Variants in NEBL observed in about 807,000 individuals in gnomAD.
NEBL encodes the protein nebulette.
In NEBL, 122 loss-of-function variants were observed where a neutral mutation model predicts 140.2. The observed-to-expected ratio is 0.87, with a 90% CI of 0.75 to 1.01. NEBL has a LOEUF of 1.01. Among genes scored for constraint, NEBL ranks in the 50% least tolerant of loss-of-function variants. The pLI is 0.00. For synonymous variants in NEBL, 436 were observed against 398.9 expected, an observed-to-expected ratio of 1.09 and a Z score of -1.11; for missense variants, 1,365 against 1,231.3, an observed-to-expected ratio of 1.11 and a Z score of -1.62.
chr10:21,195,944 C>T (rs1197859367), intron 3 of NEBL, among the ~76,000 whole-genome samples: 2 of 152,064 alleles, frequency 1.3e-5, no homozygotes, highest in Non-Finnish European at 2.9e-5. Context: ...AACACAAAAC[C>T]CTCCAAAGAG....
At chr10:21,098,973 C>T (rs1589232288) in intron 2 of NEBL, among the ~76,000 whole-genome samples, 2 of 151,770 alleles carry the variant, frequency 1.3e-5, no homozygotes, top group East Asian at 1.9e-4. Flanking sequence ...ACCACACCCA[C>T]CAAAAAAAAA....
chr10:21,093,556 C>T (rs1313155132), intron 2 of NEBL, among the ~76,000 whole-genome samples: 1 of 152,116 alleles, frequency 6.6e-6, no homozygotes, highest in Non-Finnish European at 1.5e-5. Context: ...TCCAGTCTTG[C>T]CAACAAGCTG....
chr10:20,880,776 A>G lies in NEBL; in HGVS notation c.480+18T>C. 6.4e-7 allele frequency: 1 copy of G among 1,570,262 alleles called. No homozygotes were observed. The highest frequency in any genetic ancestry group is 8.8e-7 in the Non-Finnish European group (1 of 1,140,060). ...AACTACAGTTCGCTAGAAAATCATG[A>G]GAAATGCGCTTCCTTACATTACTCT... On this transcript the variant is annotated intron_variant, in intron 5 of 27. Coordinates refer to ENST00000377122, the MANE Select transcript of NEBL (RefSeq NM_006393.3).
intron 2 of NEBL, among the ~76,000 whole-genome samples, chr10:21,060,979 C>G (rs1042317046): frequency 6.6e-6 from 1 of 151,870 alleles, no homozygotes; most frequent in Non-Finnish European, 1.5e-5. Context: ...GAACTGTGCC[C>G]CCGAGAAAGA....
At chr10:21,290,231 G>C (rs998391353) in intron 1 of NEBL, among the ~76,000 whole-genome samples, 1 of 152,216 alleles carries the variant, frequency 6.6e-6, no homozygotes, top group Non-Finnish European at 1.5e-5. Context: ...CACTGCATGA[G>C]TTGTAGTCAG....
chr10:20,945,485 C>T (rs180968066), intron 4 of NEBL, among the ~76,000 whole-genome samples: 3 of 152,254 alleles, frequency 2.0e-5, no homozygotes, highest in East Asian at 1.9e-4. Flanking sequence ...AAGCATCAAC[C>T]CTTAATAACA....
chr10:21,168,131 G>A (rs1481063131), intron 2 of NEBL, among the ~76,000 whole-genome samples: 3 of 152,052 alleles, frequency 2.0e-5, no homozygotes, highest in Non-Finnish European at 4.4e-5. Flanking sequence ...AAATCAAACA[G>A]AATACTTGTT....
chr10:20,883,013 A>C (rs1440905151), intron 4 of NEBL, among the ~76,000 whole-genome samples: 1 of 152,070 alleles, frequency 6.6e-6, no homozygotes, highest in Non-Finnish European at 1.5e-5. Flanking sequence ...GTTCCTCCAG[A>C]CTCGCAGTAT....
intron 3 of NEBL, among the ~76,000 whole-genome samples, chr10:20,985,380 T>G (rs187064113): frequency 1.3e-5 from 2 of 152,300 alleles, no homozygotes; most frequent in Non-Finnish European, 2.9e-5. Flanking sequence ...GGAAACCTCC[T>G]TTACCCACTC....
At chr10:21,245,388 A>C (rs910489713) in intron 3 of NEBL, among the ~76,000 whole-genome samples, 2 of 152,250 alleles carry the variant, frequency 1.3e-5, no homozygotes, top group African/African-American at 4.8e-5. Context: ...ATCATACTGA[A>C]TACATTACAT....
intron 3 of NEBL, among the ~76,000 whole-genome samples, chr10:20,888,743 G>T (rs1846759212): frequency 6.6e-6 from 1 of 152,164 alleles, no homozygotes; most frequent in Admixed American, 6.5e-5. Flanking sequence ...TTCCTCTTGG[G>T]AAAACTAAGG....
At chr10:21,290,148 C>T (rs1843123107) in intron 1 of NEBL, among the ~76,000 whole-genome samples, 1 of 152,160 alleles carries the variant, frequency 6.6e-6, no homozygotes, top group Non-Finnish European at 1.5e-5. Context: ...CAGTGACACC[C>T]AAACACACCC....
At chr10:21,052,459 A>G (rs1490833958) in intron 2 of NEBL, among the ~76,000 whole-genome samples, 1 of 152,172 alleles carries the variant, frequency 6.6e-6, no homozygotes, top group East Asian at 1.9e-4. Context: ...AGACACCCAC[A>G]GCCCAATCCA....
chr10:20,997,565 C>G (rs947491040), intron 3 of NEBL, among the ~76,000 whole-genome samples: 12 of 141,658 alleles, frequency 8.5e-5, no homozygotes, highest in Non-Finnish European at 1.4e-4. Flanking sequence ...CCCTGCAATG[C>G]ACTATGGATT....
intron 17 of NEBL, among the ~76,000 whole-genome samples, 164 bp downstream of exon 17, chr10:20,828,366 G>C (rs994592605): frequency 7.2e-5 from 11 of 151,974 alleles, no homozygotes; most frequent in Non-Finnish European, 1.3e-4. Context: ...ATGATAATTT[G>C]TAAAAATTAT....
intron 3 of NEBL, among the ~76,000 whole-genome samples, chr10:21,190,182 A>G (rs1167523661): frequency 6.6e-6 from 1 of 152,216 alleles, no homozygotes; most frequent in East Asian, 1.9e-4. Flanking sequence ...AAAAGACAAC[A>G]CAAGATCCTG....
chr10:20,864,267 G>A (rs976318199), intron 7 of NEBL, among the ~76,000 whole-genome samples: 4 of 152,118 alleles, frequency 2.6e-5, no homozygotes, highest in African/African-American at 9.7e-5. Flanking sequence ...ACTTAAATCT[G>A]AGATACATAT....
In NEBL at chr10:21,241,024, T is replaced by C. The variant is rs79831356; in HGVS notation, n.348+6897A>G. 5.6e-3 allele frequency among the ~76,000 whole-genome samples: 848 copies of C among 152,070 alleles called. 7 individuals carry two copies. Among genetic ancestry groups the C allele is most frequent in the African/African-American group, 0.019 (798 of 41,474 alleles). On this transcript the variant is annotated intron_variant and non_coding_transcript_variant, in intron 3 of 8. Transcript: ENST00000675702. ...AGCCCCATTTTTGGGGCTTTCACGA[T>C]CATATTTCCTGTTTCTTCTGTGGCT...
chr10:20,941,071 C>A (rs1302779433), intron 4 of NEBL, among the ~76,000 whole-genome samples: 1 of 152,154 alleles, frequency 6.6e-6, no homozygotes, highest in Non-Finnish European at 1.5e-5. Context: ...AGGGAATCCT[C>A]CCTAACTCAT....
Sources: allele counts gnomAD v4.1 joint callset (sites outside exome capture counted in the v4.1 genomes callset), GRCh38; gene constraint gnomAD v4.1.1; transcripts MANE v1.5; gene names NCBI Gene and HGNC (gene_info 2026-07-23, HGNC 2026-07-21).